Variants in SNX29 observed in about 807,000 individuals in gnomAD.
SNX29 encodes the protein sorting nexin 29.
Under a neutral mutation model 102.1 loss-of-function variants are expected in SNX29, and 78 were observed. The ratio of observed to expected loss-of-function variants is 0.76; its 90% CI spans 0.64 to 0.92. The LOEUF (loss-of-function observed/expected upper bound fraction) is 0.92. SNX29 is among the 40% of genes least tolerant of loss of function. The probability of loss-of-function intolerance (pLI) is 0.00; values close to 1 mark genes in which losing one functional copy is unlikely to be tolerated. For synonymous variants in SNX29, 580 were observed against 414.5 expected (o/e 1.40, Z -4.85); for missense variants, 1,280 against 1,061.7 (o/e 1.21, Z -2.86).
chr16:12,544,360 A>C (rs2077487566), intron 20 of SNX29, among the ~76,000 whole-genome samples: 1 of 152,230 alleles, frequency 6.6e-6, no homozygotes, highest in Non-Finnish European at 1.5e-5. Flanking sequence ...GGAAAGGAGA[A>C]GTGATGCTGG....
rs1424615779 is a variant in SNX29 at position 12,550,637 on chromosome 16, A to T, written c.2319-17869A>T. Reference sequence around the variant, plus strand: ...GTATACCTGTAGAAAGACACATTAAAAAGTAACCGTCACTTAGTGGAGGAC... The same window carrying T: ...GTATACCTGTAGAAAGACACATTAATAAGTAACCGTCACTTAGTGGAGGAC... On this transcript the variant is annotated intron_variant, in intron 20 of 20. Coordinates refer to ENST00000566228, the MANE Select transcript of SNX29 (RefSeq NM_032167.5). 3.3e-5 allele frequency among the ~76,000 whole-genome samples: 5 copies of T among 152,314 alleles called. 1 individual carries two copies. The highest frequency in any genetic ancestry group is 9.6e-5 in the African/African-American group (4 of 41,568).
chr16:12,572,442 G>T lies in SNX29; in HGVS notation c.*3813G>T. 9.4e-7 allele frequency: 1 copy of T among 1,063,156 alleles called. No individual in the cohort carries two copies. The highest frequency in any genetic ancestry group is 1.1e-6 in the Non-Finnish European group (1 of 877,928). The allele number at this position is 1,063,156 out of a possible 1,614,324, so 65.9% of individuals were successfully genotyped here. On this transcript the variant is annotated 3_prime_UTR_variant, in exon 21 of 21. Coordinates refer to ENST00000566228, the MANE Select transcript of SNX29 (RefSeq NM_032167.5). ...AGGCCGGCAGTGGCTGCCTCTCTTG[G>T]TTCTGCATGGTACATTTTGCCAACC...
In SNX29 at chr16:12,481,473, T is replaced by C. The variant is rs539256148; in HGVS notation, c.2178+3614T>C. 4.0e-4 allele frequency among the ~76,000 whole-genome samples: 54 copies of C among 133,602 alleles called. 1 individual carries two copies. The South Asian group carries it at 0.015, about 36-fold the overall frequency. The allele number at this position is 133,602 out of a possible 152,430, so 87.6% of individuals were successfully genotyped here. A position where few individuals can be genotyped will look rare whatever the true frequency, so the allele number is the denominator to read the frequency against. ...ATATATACATATATATATACACATA[T>C]ATACACACATATATATACACATATG... is the stretch of plus-strand genomic sequence containing the variant. On this transcript the variant is annotated intron_variant, in intron 19 of 20. Transcript: ENST00000566228.
chr16:12,381,036 A>T (rs1193521548), intron 16 of SNX29, among the ~76,000 whole-genome samples: 2 of 11,472 alleles, frequency 1.7e-4, no homozygotes, highest in Non-Finnish European at 1.6e-4. Context: ...CCCACCCACC[A>T]TCCATCCACC....
At chr16:12,181,762 T>A (rs2076390621) in intron 13 of SNX29, among the ~76,000 whole-genome samples, 2 of 152,176 alleles carry the variant, frequency 1.3e-5, no homozygotes. Flanking sequence ...GCCTCTGTGT[T>A]CTACGCAGAT....
chr16:12,525,683 C>T (rs1436364211), intron 20 of SNX29, among the ~76,000 whole-genome samples: 1 of 138,836 alleles, frequency 7.2e-6, no homozygotes, highest in Non-Finnish European at 1.5e-5. Context: ...CAGAGCAAGA[C>T]TCCACGCCCC....
intron 18 of SNX29, among the ~76,000 whole-genome samples, chr16:12,437,768 C>G (rs1353400402): frequency 6.6e-6 from 1 of 152,182 alleles, no homozygotes; most frequent in African/African-American, 2.4e-5. Flanking sequence ...CTCAAAAATG[C>G]ACGCTGGCTG....
At chr16:12,518,249 T>G (rs760114089) in intron 19 of SNX29, among the ~76,000 whole-genome samples, 2 of 152,150 alleles carry the variant, frequency 1.3e-5, no homozygotes, top group African/African-American at 2.4e-5. Flanking sequence ...AGCTACCTGA[T>G]GCCTCCCACC....
intron 14 of SNX29, among the ~76,000 whole-genome samples, chr16:12,203,528 C>T (rs1344418910): frequency 2.0e-5 from 3 of 150,046 alleles, no homozygotes; most frequent in Non-Finnish European, 4.5e-5. Context: ...GCCTCGCTGT[C>T]AGTTGGACTG....
At chr16:12,333,919 C>T (rs761723235) in intron 15 of SNX29, among the ~76,000 whole-genome samples, 5 of 152,132 alleles carry the variant, frequency 3.3e-5, no homozygotes, top group Admixed American at 6.5e-5. Flanking sequence ...CCCGCGTTTC[C>T]GTGCCCTGCA....
intron 19 of SNX29, among the ~76,000 whole-genome samples, chr16:12,509,078 G>C (rs975609098): frequency 3.3e-5 from 5 of 152,298 alleles, no homozygotes; most frequent in African/African-American, 1.2e-4. Context: ...AGACATTTCA[G>C]CCTGTGGCCT....
chr16:12,169,640 A>C (rs1465780894), intron 13 of SNX29, among the ~76,000 whole-genome samples: 6 of 152,152 alleles, frequency 3.9e-5, no homozygotes, highest in Non-Finnish European at 5.9e-5. Context: ...TGGGTGGATC[A>C]CCTGAGGTCA....
chr16:12,449,817 C>T (rs1240457155), intron 18 of SNX29, among the ~76,000 whole-genome samples: 1 of 152,316 alleles, frequency 6.6e-6, no homozygotes, highest in South Asian at 2.1e-4. Context: ...TCTTTGGTCA[C>T]AGATGGTGGT....
intron 15 of SNX29, among the ~76,000 whole-genome samples, chr16:12,301,023 G>A (rs929732370): frequency 2.6e-5 from 4 of 152,176 alleles, no homozygotes; most frequent in African/African-American, 9.7e-5. Context: ...TGACTTGTGC[G>A]TCTGCGGTTT....
intron 18 of SNX29, among the ~76,000 whole-genome samples, chr16:12,462,175 C>T (rs1285350075): frequency 6.6e-6 from 1 of 151,298 alleles, no homozygotes; most frequent in Non-Finnish European, 1.5e-5. Context: ...TAGTCCCCAG[C>T]GAGCTCTCAG....
chr16:12,534,916 C>T (rs1476906729), intron 20 of SNX29, among the ~76,000 whole-genome samples: 2 of 152,180 alleles, frequency 1.3e-5, no homozygotes. Flanking sequence ...ATGTACTGAG[C>T]ATCCTACACC....
chr16:12,087,925 C>T, intron 11 of SNX29: 1 of 456,818 alleles, frequency 2.2e-6, no homozygotes, highest in Non-Finnish European at 4.4e-6. Context: ...GCTGCCGCCT[C>T]TGCAATACGC....
chr16:12,467,632 G>A (rs963274867), intron 18 of SNX29, among the ~76,000 whole-genome samples: 7 of 135,554 alleles, frequency 5.2e-5, no homozygotes, highest in African/African-American at 2.4e-4. Flanking sequence ...TAGTTCGTTC[G>A]TTCGTTCATT....
At chr16:12,502,914 T>C (rs993906132) in intron 19 of SNX29, among the ~76,000 whole-genome samples, 1 of 152,262 alleles carries the variant, frequency 6.6e-6, no homozygotes, top group Non-Finnish European at 1.5e-5. Flanking sequence ...CCAGTAGATC[T>C]TGTTATTGAA....
Sources: allele counts gnomAD v4.1 joint callset (sites outside exome capture counted in the v4.1 genomes callset), GRCh38; gene constraint gnomAD v4.1.1; transcripts MANE v1.5; gene names NCBI Gene and HGNC (gene_info 2026-07-23, HGNC 2026-07-21).